NVL: variants seen among roughly 807,000 people sequenced by gnomAD.
The protein encoded by NVL is nuclear valosin-containing protein-like.
In NVL, 84 loss-of-function variants were observed where a neutral mutation model predicts 110.2. That is an observed-to-expected ratio of 0.76 (90% CI 0.64 to 0.91). NVL has a LOEUF of 0.91. NVL is among the 40% of genes least tolerant of loss of function. The probability of loss-of-function intolerance (pLI) is 0.00; values close to 1 mark genes in which losing one functional copy is unlikely to be tolerated. For missense variants in NVL, 882 were observed against 1,035.9 expected, an observed-to-expected ratio of 0.85 and a Z score of 2.04; for synonymous variants, 354 against 361.1, an observed-to-expected ratio of 0.98 and a Z score of 0.22.
At chr1:224,313,856 G>T (rs1669795116) in intron 4 of NVL, among the ~76,000 whole-genome samples, 1 of 151,912 alleles carries the variant, frequency 6.6e-6, no homozygotes, top group Admixed American at 6.6e-5. Context: ...TACAAAAATT[G>T]GCCAGCAGTG....
At chr1:224,278,148 C>T (rs935032119) in intron 16 of NVL, among the ~76,000 whole-genome samples, 6 of 151,712 alleles carry the variant, frequency 4.0e-5, no homozygotes, top group African/African-American at 1.5e-4. Flanking sequence ...CTCCAGATGG[C>T]TGTTTAATCT....
intron 16 of NVL, among the ~76,000 whole-genome samples, chr1:224,279,207 A>C (rs1666073411): frequency 6.6e-6 from 1 of 152,226 alleles, no homozygotes; most frequent in African/African-American, 2.4e-5. Flanking sequence ...ATTCAATGAA[A>C]TGCCACACAA....
At chr1:224,294,011 C>T (rs1667627945) in intron 12 of NVL, among the ~76,000 whole-genome samples, 1 of 152,056 alleles carries the variant, frequency 6.6e-6, no homozygotes, top group Non-Finnish European at 1.5e-5. Flanking sequence ...CACTATGTTG[C>T]CCAGGCTCAA....
intron 1 of NVL, among the ~76,000 whole-genome samples, chr1:224,328,618 G>A (rs1477618232): frequency 6.6e-6 from 1 of 152,154 alleles, no homozygotes; most frequent in African/African-American, 2.4e-5. Flanking sequence ...GGGAAAGACA[G>A]TAAGAAGTAC....
intron 19 of NVL, among the ~76,000 whole-genome samples, chr1:224,237,696 A>C (rs557033314): frequency 6.9e-4 from 102 of 147,890 alleles, no homozygotes; most frequent in African/African-American, 2.5e-3. Flanking sequence ...CAGCCTCCCG[A>C]GGAGCTGGAA....
rs1662310611 is a variant in NVL at position 224,250,197 on chromosome 1, A to G, written c.2289+15T>C. ...AGAGAAACATATACAAAAATATACC[A>G]TTTCCTTTACTCACTTTTGTGATAG... is the stretch of plus-strand genomic sequence containing the variant. On this transcript the variant is annotated intron_variant, in intron 19 of 22. Transcript: ENST00000281701. 5 of 1,607,620 alleles carry G rather than the reference A, an allele frequency of 3.1e-6. No individual in the cohort carries two copies. The highest frequency in any genetic ancestry group is 1.7e-4 in the Middle Eastern group (1 of 6,028).
chr1:224,237,340 T>C (rs1204453600), intron 19 of NVL, among the ~76,000 whole-genome samples: 1 of 152,196 alleles, frequency 6.6e-6, no homozygotes, highest in Admixed American at 6.5e-5. Flanking sequence ...CTAAGCTCAG[T>C]ATATTCTTTC....
chr1:224,311,427 C>T (rs890566223), intron 5 of NVL, among the ~76,000 whole-genome samples: 5 of 151,292 alleles, frequency 3.3e-5, no homozygotes, highest in African/African-American at 7.3e-5. Flanking sequence ...GGTGCAATCA[C>T]GGCTCACTGC....
chr1:224,233,464 A>G (rs1401318), intron 20 of NVL, among the ~76,000 whole-genome samples, 175 bp from the exon 21 acceptor site: 19,276 of 152,292 alleles, frequency 0.13, 1,503 homozygotes, highest in East Asian at 0.36. Flanking sequence ...TAGCTTTTAT[A>G]TAAGATATTT....
chr1:224,292,067 T>C (rs1667430540), intron 12 of NVL, among the ~76,000 whole-genome samples: 1 of 152,178 alleles, frequency 6.6e-6, no homozygotes. Context: ...TAAATTTTGG[T>C]GTGGTCTGTT....
At chr1:224,296,419 T>A in intron 11 of NVL, 82 bp downstream of exon 11, 1 of 701,518 alleles carries the variant, frequency 1.4e-6, no homozygotes, top group Non-Finnish European at 2.3e-6. Flanking sequence ...ACTATATGAA[T>A]ATTATTTTTT....
chr1:224,323,309 A>T (rs1572076298), intron 2 of NVL, among the ~76,000 whole-genome samples: 1 of 152,332 alleles, frequency 6.6e-6, no homozygotes, highest in East Asian at 1.9e-4. Context: ...AGAGAGACAT[A>T]AAGAAGGAAT....
intron 12 of NVL, among the ~76,000 whole-genome samples, 196 bp downstream of exon 12, chr1:224,294,071 A>T (rs1325136013): frequency 1.3e-5 from 2 of 152,196 alleles, no homozygotes; most frequent in Non-Finnish European, 2.9e-5. Context: ...AAGTGTTGGG[A>T]TTACAGGCAT....
chr1:224,327,847 G>A (rs145543602), intron 1 of NVL, among the ~76,000 whole-genome samples: 8 of 151,400 alleles, frequency 5.3e-5, no homozygotes, highest in Admixed American at 3.3e-4. Context: ...TGTGGGACGC[G>A]GGAACATCCA....
chr1:224,303,930 G>A (rs933419987), intron 8 of NVL, 73 bp from the exon 9 acceptor site: 22 of 1,491,606 alleles, frequency 1.5e-5, no homozygotes, highest in East Asian at 2.4e-5. Flanking sequence ...CCTATTTTTC[G>A]GAGCAGTGAA....
intron 19 of NVL, among the ~76,000 whole-genome samples, chr1:224,238,156 CTTGGG>C (rs370115489): frequency 2.8e-4 from 40 of 145,068 alleles, no homozygotes; most frequent in African/African-American, 8.8e-4. Flanking sequence ...ACCTCAGCCT[CTTGGG>C]TAGCTGGGAC....
chr1:224,274,366 G>C (rs1001247987), intron 17 of NVL, among the ~76,000 whole-genome samples: 13 of 152,058 alleles, frequency 8.5e-5, no homozygotes, highest in Non-Finnish European at 1.9e-4. Flanking sequence ...CAGGCATGGT[G>C]GCTCACCCAT....
rs116592261 is a variant in NVL, at chr1:224,270,963, A to G, written c.2083-2830T>C. 4.1e-3 allele frequency among the ~76,000 whole-genome samples: 617 copies of G among 152,320 alleles called. 3 individuals are homozygous for G. The highest frequency in any genetic ancestry group is 0.014 in the African/African-American group (591 of 41,574). ...AGCATTATTTTTCAAAATCTAATAT[A>G]TATCAATCTTCAACCCTGATTTTCA... is the stretch of plus-strand genomic sequence containing the variant. On this transcript the variant is annotated intron_variant, in intron 17 of 22. Coordinates refer to ENST00000281701, the MANE Select transcript of NVL (RefSeq NM_002533.4).
At chr1:224,276,931 TATG>T (rs1665821912) in intron 16 of NVL, among the ~76,000 whole-genome samples, 1 of 7,604 alleles carries the variant, frequency 1.3e-4, no homozygotes, top group Admixed American at 1.4e-3. Context: ...AAACTAGTTT[TATG>T]ACACATAAAA....
Sources: allele counts gnomAD v4.1 joint callset (sites outside exome capture counted in the v4.1 genomes callset), GRCh38; gene constraint gnomAD v4.1.1; transcripts MANE v1.5; gene names NCBI Gene and HGNC (gene_info 2026-07-23, HGNC 2026-07-21).